The following CSMD1 variants were observed in gnomAD, a reference collection of about 807,000 sequenced individuals.
The protein encoded by CSMD1 is CUB and Sushi multiple domains 1, also known as CUB and sushi domain-containing protein 1.
A neutral mutation model predicts 417.5 loss-of-function variants in CSMD1; 213 were observed. The ratio of observed to expected loss-of-function variants is 0.51; its 90% CI spans 0.46 to 0.57. The LOEUF (loss-of-function observed/expected upper bound fraction) is 0.57, where lower values mean the gene tolerates loss of function less well. Ranked by LOEUF, CSMD1 falls within the 20% of genes least tolerant of loss-of-function variation. The pLI is 0.00. For missense variants in CSMD1, 6,923 were observed against 4,529.7 expected, an observed-to-expected ratio of 1.53 and a Z score of -15.17; for synonymous variants, 2,862 against 1,736.8, an observed-to-expected ratio of 1.65 and a Z score of -16.11.
intron 6 of CSMD1, among the ~76,000 whole-genome samples, chr8:3,740,868 G>T (rs757799145): frequency 6.6e-6 from 1 of 152,076 alleles, no homozygotes; most frequent in Admixed American, 6.5e-5. Flanking sequence ...AGAGGATGAG[G>T]CAGAGCCCTA....
intron 1 of CSMD1, among the ~76,000 whole-genome samples, chr8:4,847,580 G>C (rs1034956691): frequency 6.6e-6 from 1 of 152,048 alleles, no homozygotes; most frequent in South Asian, 2.1e-4. Context: ...ACTCTATTCA[G>C]ATTCTTTTCA....
intron 2 of CSMD1, among the ~76,000 whole-genome samples, chr8:4,423,056 A>G (rs1797338868): frequency 6.6e-6 from 1 of 152,058 alleles, no homozygotes; most frequent in African/African-American, 2.4e-5. Context: ...CTCTACAAAA[A>G]TAAAAAAAAT....
intron 2 of CSMD1, among the ~76,000 whole-genome samples, chr8:4,610,188 T>G (rs983877440): frequency 6.6e-6 from 1 of 152,124 alleles, no homozygotes; most frequent in African/African-American, 2.4e-5. Context: ...CATTTAAAAC[T>G]AGGATGTAAA....
At chr8:3,594,700 G>T (rs548361842) in intron 8 of CSMD1, among the ~76,000 whole-genome samples, 1 of 152,034 alleles carries the variant, frequency 6.6e-6, no homozygotes, top group Non-Finnish European at 1.5e-5. Context: ...TTCCTTTATT[G>T]CTCCATCTCA....
intron 1 of CSMD1, among the ~76,000 whole-genome samples, chr8:4,641,003 T>C (rs1803157502): frequency 6.6e-6 from 1 of 151,708 alleles, no homozygotes; most frequent in Non-Finnish European, 1.5e-5. Context: ...ATATTTTTCC[T>C]AGTGATACTG....
chr8:4,477,604 T>C (rs976236388), intron 2 of CSMD1, among the ~76,000 whole-genome samples: 1 of 152,212 alleles, frequency 6.6e-6, no homozygotes, highest in Non-Finnish European at 1.5e-5. Context: ...CTATTTAAAC[T>C]GACTTCTGCA....
intron 31 of CSMD1, among the ~76,000 whole-genome samples, chr8:3,202,702 C>T (rs952496268): frequency 1.3e-5 from 2 of 152,130 alleles, no homozygotes; most frequent in Admixed American, 1.3e-4. Context: ...CCAACGGAAA[C>T]AATTACTGTT....
chr8:3,978,334 T>G (rs946464168), intron 5 of CSMD1, among the ~76,000 whole-genome samples: 25 of 152,308 alleles, frequency 1.6e-4, no homozygotes, highest in African/African-American at 5.3e-4. Context: ...GCTCTCTTTT[T>G]TCCTTTTTGG....
intron 7 of CSMD1, among the ~76,000 whole-genome samples, chr8:3,704,313 C>G (rs752985486): frequency 2.6e-5 from 4 of 152,050 alleles, no homozygotes; most frequent in Non-Finnish European, 5.9e-5. Context: ...GCGTGATTAG[C>G]GAGCTCCCAG....
chr8:4,315,803 CT>C (rs35455292), intron 3 of CSMD1, among the ~76,000 whole-genome samples: 4 of 151,786 alleles, frequency 2.6e-5, no homozygotes, highest in African/African-American at 9.7e-5. Flanking sequence ...GTAATTCAAA[CT>C]TTTTTTCTTT....
At chr8:3,787,376 A>G (rs955057637) in intron 5 of CSMD1, among the ~76,000 whole-genome samples, 1 of 152,230 alleles carries the variant, frequency 6.6e-6, no homozygotes, top group African/African-American at 2.4e-5. Context: ...AAATCAATTA[A>G]GTAAGCAGAT....
At chr8:3,465,929 A>T (rs915560324) in intron 12 of CSMD1, among the ~76,000 whole-genome samples, 1 of 152,194 alleles carries the variant, frequency 6.6e-6, no homozygotes, top group African/African-American at 2.4e-5. Flanking sequence ...CTGTTGCCTC[A>T]GAGGAAGTTA....
chr8:4,299,174 G>T (rs1356943352), intron 3 of CSMD1, among the ~76,000 whole-genome samples: 7 of 152,128 alleles, frequency 4.6e-5, no homozygotes, highest in South Asian at 2.1e-4. Flanking sequence ...AAGAAACGTT[G>T]TAAGAAATTT....
chr8:4,435,901 T>G (rs1253350211), intron 2 of CSMD1, among the ~76,000 whole-genome samples: 2 of 152,208 alleles, frequency 1.3e-5, no homozygotes, highest in Admixed American at 6.5e-5. Flanking sequence ...GTGTCAAATG[T>G]AGATTTGACG....
At chr8:4,027,752 G>A (rs1260929589) in intron 4 of CSMD1, among the ~76,000 whole-genome samples, 7 of 151,972 alleles carry the variant, frequency 4.6e-5, no homozygotes, top group South Asian at 2.1e-4. Flanking sequence ...TGTTTGAGAA[G>A]GGAAATAAAT....
intron 1 of CSMD1, among the ~76,000 whole-genome samples, chr8:4,792,854 A>G (rs984160266): frequency 1.3e-5 from 2 of 152,148 alleles, no homozygotes. Flanking sequence ...AGGTCTCTCC[A>G]GCAAACCTTT....
chr8:4,930,372 C>A (rs1032168843), intron 1 of CSMD1, among the ~76,000 whole-genome samples: 1 of 151,496 alleles, frequency 6.6e-6, no homozygotes, highest in Admixed American at 6.6e-5. Context: ...GGTGCGCGCA[C>A]ACACACACAC....
chr8:2,938,796 T>A, intron 69 of CSMD1, 52 bp from the exon 70 acceptor site: 3 of 1,508,510 alleles, frequency 2.0e-6, no homozygotes, highest in South Asian at 2.4e-5. Context: ...TTTGCAGATT[T>A]AGCAGCTGGG....
intron 69 of CSMD1, among the ~76,000 whole-genome samples, chr8:2,939,154 C>G (rs1801694539): frequency 6.6e-6 from 1 of 152,078 alleles, no homozygotes; most frequent in African/African-American, 2.4e-5. Context: ...CGGGAAGGTC[C>G]CAAAGGCTGA....
Sources: gnomAD v4.1 joint callset for allele counts (sites outside exome capture counted in the v4.1 genomes callset) on GRCh38, gnomAD v4.1.1 for gene constraint, MANE v1.5 for transcripts, NCBI Gene and HGNC (gene_info 2026-07-23, HGNC 2026-07-21) for gene names.